ZSCAN30: variants seen among roughly 807,000 people sequenced by gnomAD.
ZSCAN30 encodes zinc finger and SCAN domain containing 30, also known as zinc finger and SCAN domain-containing protein 30.
Under a neutral mutation model 44.3 loss-of-function variants are expected in ZSCAN30, and 37 were observed. The ratio of observed to expected loss-of-function variants is 0.84; its 90% CI spans 0.64 to 1.10. ZSCAN30 has a LOEUF of 1.10. Among genes scored for constraint, ZSCAN30 ranks in the 50% least tolerant of loss-of-function variants. The pLI is 0.00. For synonymous variants in ZSCAN30, 181 were observed against 204.6 expected (o/e 0.88, Z 0.98); for missense variants, 549 against 582.6 (o/e 0.94, Z 0.59).
chr18:35,269,589 G>A (rs1487211286), intron 1 of ZSCAN30: 3 of 152,180 alleles, frequency 2.0e-5, no homozygotes, highest in East Asian at 3.9e-4. Context: ...GCATTTGTCA[G>A]CTCAGCTCTC....
At position 35,251,448 on chromosome 18, in the gene ZSCAN30, C is replaced by G. The variant is rs1298496753; in HGVS notation, c.*2002G>C. On this transcript the variant is annotated 3_prime_UTR_variant, in exon 4 of 4. Transcript: ENST00000333206. ...ACCTCACTCGATAACTGCACAACCT[C>G]TGGACACAAAGAGGCCGAATTGTCC... 6.6e-6 allele frequency: 1 copy of G among 152,372 alleles called. No homozygotes were observed. Among genetic ancestry groups the G allele is most frequent in the East Asian group, 1.9e-4 (1 of 5,180 alleles). The allele number at this position is 152,372 out of a possible 1,614,324, so 9.4% of individuals were successfully genotyped here.
At chr18:35,254,759 G>C (rs1468655505) in intron 3 of ZSCAN30, 1 of 308,924 alleles carries the variant, frequency 3.2e-6, no homozygotes, top group East Asian at 8.1e-5. Context: ...GGAATGATCA[G>C]GATAAAGAAA....
intron 1 of ZSCAN30, chr18:35,281,863 T>C (rs1436209445): frequency 6.7e-6 from 1 of 149,688 alleles, no homozygotes; most frequent in Non-Finnish European, 1.5e-5. Context: ...AAGTCTCATC[T>C]CCTTGCATCT....
intron 1 of ZSCAN30, among the ~76,000 whole-genome samples, chr18:35,277,404 T>C (rs1260965026): frequency 6.6e-6 from 1 of 152,130 alleles, no homozygotes; most frequent in Non-Finnish European, 1.5e-5. Flanking sequence ...AATCTCATCT[T>C]GAATTGTAGG....
At chr18:35,280,179 GGTGGGAGGATCACTTAA>G (rs893816463) in intron 1 of ZSCAN30, among the ~76,000 whole-genome samples, 36 of 151,988 alleles carry the variant, frequency 2.4e-4, no homozygotes, top group African/African-American at 8.7e-4. Flanking sequence ...AGAAGGTTGA[GGTGGGAGGATCACTTAA>G]GCCCAGGAGG....
intron 3 of ZSCAN30, chr18:35,261,026 G>C (rs1462055023): frequency 2.0e-5 from 3 of 152,086 alleles, no homozygotes; most frequent in African/African-American, 7.2e-5. Flanking sequence ...GTTTATTTTT[G>C]TACAAGGTGT....
chr18:35,268,750 T>A (rs755841825), intron 1 of ZSCAN30: 4 of 152,002 alleles, frequency 2.6e-5, no homozygotes, highest in Non-Finnish European at 5.9e-5. Context: ...TAGACAATAA[T>A]CTCTTTTGAG....
At chr18:35,256,560 A>G (rs142000217) in intron 3 of ZSCAN30, among the ~76,000 whole-genome samples, 2 of 152,286 alleles carry the variant, frequency 1.3e-5, no homozygotes, top group Admixed American at 1.3e-4. Flanking sequence ...AAGAAAAAAA[A>G]AAAGATTACA....
chr18:35,289,999 A>C (rs1319669739), intron 1 of ZSCAN30, 85 bp downstream of exon 1: 1 of 152,264 alleles, frequency 6.6e-6, no homozygotes, highest in Non-Finnish European at 1.5e-5. Flanking sequence ...AAGCATACCT[A>C]CGAATCAGAT....
rs140475414 is a variant in ZSCAN30, at chr18:35,275,854, A to T, written c.-103-11399T>A. 7.1e-3 allele frequency among the ~76,000 whole-genome samples: 1,085 copies of T among 151,960 alleles called. 15 individuals carry two copies. Among genetic ancestry groups the T allele is most frequent in the African/African-American group, 0.025 (1,028 of 41,450 alleles). ...GACATTCTCCATTTCCAGATATCCCATTTTTTTCTCATACTGGTTCTCTTC... is the reference window on the plus strand; with the variant it reads ...GACATTCTCCATTTCCAGATATCCCTTTTTTTTCTCATACTGGTTCTCTTC... On this transcript the variant is annotated intron_variant, in intron 1 of 3. Coordinates refer to ENST00000333206, the MANE Select transcript of ZSCAN30 (RefSeq NM_001112734.4).
chr18:35,283,947 G>C (rs976614172), intron 1 of ZSCAN30: 1 of 152,392 alleles, frequency 6.6e-6, no homozygotes, highest in African/African-American at 2.4e-5. Flanking sequence ...GCAAAGTGAA[G>C]AGGAGCTTTA....
At chr18:35,280,487 A>T (rs1035118865) in intron 1 of ZSCAN30, among the ~76,000 whole-genome samples, 2 of 152,172 alleles carry the variant, frequency 1.3e-5, no homozygotes, top group Admixed American at 1.3e-4. Context: ...GATGCCAATG[A>T]CCTTACTGAT....
At chr18:35,259,427 G>C (rs1251459876) in intron 3 of ZSCAN30, among the ~76,000 whole-genome samples, 14 of 152,154 alleles carry the variant, frequency 9.2e-5, no homozygotes, top group Admixed American at 9.2e-4. Flanking sequence ...TAATCTGCCT[G>C]CCTCAACCTC....
At chr18:35,265,437 A>G (rs77030570) in intron 1 of ZSCAN30, among the ~76,000 whole-genome samples, 5,381 of 152,312 alleles carry the variant, frequency 0.035, 308 homozygotes, top group African/African-American at 0.12. Context: ...AATTTGTCCA[A>G]GGCTACAAAC....
intron 1 of ZSCAN30, among the ~76,000 whole-genome samples, chr18:35,288,363 C>G (rs1481275445): frequency 1.3e-5 from 2 of 152,080 alleles, no homozygotes; most frequent in Admixed American, 6.6e-5. Flanking sequence ...GTGGAGGAAC[C>G]GGAACTCTCA....
intron 1 of ZSCAN30, chr18:35,269,414 C>T (rs973929599): frequency 2.0e-5 from 3 of 149,738 alleles, no homozygotes; most frequent in Admixed American, 6.7e-5. Context: ...CTAATTTTCC[C>T]ACTGGTCAGA....
intron 1 of ZSCAN30, chr18:35,289,300 T>C (rs1289192381): frequency 6.6e-6 from 1 of 152,160 alleles, no homozygotes; most frequent in East Asian, 1.9e-4. Flanking sequence ...TTTAAAACTA[T>C]CTGCACTCCC....
chr18:35,279,838 G>C (rs1015706954), intron 1 of ZSCAN30, among the ~76,000 whole-genome samples: 5 of 152,122 alleles, frequency 3.3e-5, no homozygotes, highest in African/African-American at 1.2e-4. Context: ...ATGAATTTTG[G>C]GGGGACATAA....
At chr18:35,260,382 T>C (rs970400964) in intron 3 of ZSCAN30, 2 of 152,214 alleles carry the variant, frequency 1.3e-5, no homozygotes, top group Non-Finnish European at 2.9e-5. Context: ...TACCCAGTAA[T>C]GGGATTGCTG....
Sources: gnomAD v4.1 joint callset for allele counts (sites outside exome capture counted in the v4.1 genomes callset) on GRCh38, gnomAD v4.1.1 for gene constraint, MANE v1.5 for transcripts, NCBI Gene and HGNC (gene_info 2026-07-23, HGNC 2026-07-21) for gene names.